The following RANBP3L variants were observed in gnomAD, a reference collection of about 807,000 sequenced individuals.
RANBP3L encodes RAN binding protein 3 like.
A neutral mutation model predicts 67.2 loss-of-function variants in RANBP3L; 56 were observed. That is an observed-to-expected ratio of 0.83 (90% CI 0.67 to 1.04). The LOEUF is 1.04. Ranked by LOEUF, RANBP3L falls within the 50% of genes least tolerant of loss-of-function variation. RANBP3L has a pLI of 0.00. For missense variants in RANBP3L, 496 were observed against 535.5 expected (o/e 0.93, Z 0.73); for synonymous variants, 164 against 181.4 (o/e 0.90, Z 0.77).
intron 1 of RANBP3L, among the ~76,000 whole-genome samples, chr5:36,278,706 C>T (rs1026224113): frequency 1.3e-5 from 2 of 152,064 alleles, no homozygotes; most frequent in African/African-American, 4.8e-5. Context: ...AAGTCAAGGG[C>T]TACCCTAAGT....
In RANBP3L at chr5:36,262,108, G is replaced by A. The variant is rs949220311; in HGVS notation, c.481-66C>T. On this transcript the variant is annotated intron_variant, in intron 6 of 13. Transcript: ENST00000296604. ...CCTTACTATAGGACCATCAGACAAGGAAACAATAGTTATAGTTAAATATAT... is the reference window on the plus strand; with the variant it reads ...CCTTACTATAGGACCATCAGACAAGAAAACAATAGTTATAGTTAAATATAT... The A allele has an allele frequency of 5.1e-6, 4 of 777,562 alleles. No homozygotes were observed. The South Asian group carries it at 6.5e-5, about 13-fold the overall frequency. 48.2% of individuals were successfully genotyped at this position (777,562 alleles called of 1,614,324 possible).
At chr5:36,251,584 G>A in intron 12 of RANBP3L, 85 bp from the exon 13 acceptor site, 1 of 1,063,574 alleles carries the variant, frequency 9.4e-7, no homozygotes, top group Non-Finnish European at 1.3e-6. Context: ...CTACTAATAA[G>A]GAAGGAATTA....
chr5:36,295,679 T>TG lies in RANBP3L; in HGVS notation c.91+5646_91+5647insC, dbSNP rs555517881. Among the ~76,000 whole-genome samples the TG allele has an allele frequency of 2.3e-3, 352 of 151,558 alleles. 1 individual carries two copies. The highest frequency in any genetic ancestry group is 3.7e-3 in the Non-Finnish European group (253 of 67,838). On this transcript the variant is annotated intron_variant, in intron 1 of 13. Coordinates refer to ENST00000296604, the MANE Select transcript of RANBP3L (RefSeq NM_145000.5). Reference sequence around the variant, plus strand: ...CCAACATTTGTTATATCCTGTTTTTTTTTTTTTTTTTTTCAAATAGTAGCC... The same window carrying TG: ...CCAACATTTGTTATATCCTGTTTTTTGTTTTTTTTTTTTTCAAATAGTAGCC...
At chr5:36,284,261 CT>C (rs1487423322) in intron 1 of RANBP3L, among the ~76,000 whole-genome samples, 3 of 152,120 alleles carry the variant, frequency 2.0e-5, no homozygotes, top group Admixed American at 1.3e-4. Flanking sequence ...TTCCTATGAC[CT>C]TTTGTTTGTT....
chr5:36,274,737 A>C (rs1010994276), intron 1 of RANBP3L, among the ~76,000 whole-genome samples: 2 of 152,066 alleles, frequency 1.3e-5, no homozygotes, highest in Non-Finnish European at 2.9e-5. Flanking sequence ...TTTTCTTTTA[A>C]AGATCACCCC....
chr5:36,301,422 T>C lies in RANBP3L; in HGVS notation c.-6A>G. On this transcript the variant is annotated 5_prime_UTR_variant, in exon 1 of 14. Coordinates refer to ENST00000296604, the MANE Select transcript of RANBP3L (RefSeq NM_145000.5). ...TTTCTTGGTATGGTAGTCATGGTCC[T>C]AGCAGTATGGCTGTGACTCAAGGAT... The C allele has an allele frequency of 1.2e-6, 2 of 1,611,742 alleles. No homozygotes were observed. Among genetic ancestry groups the C allele is most frequent in the Non-Finnish European group, 1.7e-6 (2 of 1,178,624 alleles).
chr5:36,277,398 A>ATCTCTC (rs746299512), intron 1 of RANBP3L, among the ~76,000 whole-genome samples: 4,518 of 99,880 alleles, frequency 0.045, 154 homozygotes, highest in South Asian at 0.072. Flanking sequence ...CAGCTTTTTC[A>ATCTCTC]TCTCTCTCTC....
chr5:36,270,131 C>G (rs1386925227), intron 2 of RANBP3L, 141 bp from the exon 3 acceptor site: 6 of 719,646 alleles, frequency 8.3e-6, no homozygotes, highest in Non-Finnish European at 1.5e-5. Flanking sequence ...CATCAGATTT[C>G]CACCCTGCCA....
chr5:36,269,083 CAT>C (rs1379198576), intron 4 of RANBP3L, among the ~76,000 whole-genome samples: 1 of 152,104 alleles, frequency 6.6e-6, no homozygotes, highest in Non-Finnish European at 1.5e-5. Context: ...ACTTTGGAAA[CAT>C]AGCAAAATAC....
chr5:36,291,353 TTTTTTTA>T lies in RANBP3L; in HGVS notation c.91+9966_91+9972del, dbSNP rs1387234491. Among the ~76,000 whole-genome samples the T allele has an allele frequency of 9.9e-4, 149 of 150,858 alleles. 3 individuals are homozygous for T. Among genetic ancestry groups the T allele is most frequent in the Admixed American group, 3.9e-4 (6 of 15,250 alleles). On this transcript the variant is annotated intron_variant, in intron 1 of 13. Coordinates refer to ENST00000296604, the MANE Select transcript of RANBP3L (RefSeq NM_145000.5). ...AACTTTTTTATTTTTTAATTTTTTATTTTTTTATTTTTATTTTTTTTCAGTTTTAGCT... is the reference window on the plus strand; with the variant it reads ...AACTTTTTTATTTTTTAATTTTTTATTTTTTATTTTTTTTCAGTTTTAGCT...
intron 1 of RANBP3L, among the ~76,000 whole-genome samples, chr5:36,297,793 A>G (rs998220632): frequency 1.3e-5 from 2 of 152,150 alleles, no homozygotes; most frequent in Admixed American, 1.3e-4. Context: ...TGTCATAGTA[A>G]ACTCCACGTG....
chr5:36,253,073 A>G (rs1346223858), intron 12 of RANBP3L, among the ~76,000 whole-genome samples: 1 of 151,860 alleles, frequency 6.6e-6, no homozygotes, highest in African/African-American at 2.4e-5. Context: ...TATTCTTGCC[A>G]GCTCTCTTGG....
Position 36,271,323 on chromosome 5 carries a change from A to C in RANBP3L, c.92-12T>G, listed in dbSNP as rs750779322. 7 of 1,545,048 alleles carry C rather than the reference A, an allele frequency of 4.5e-6. No homozygotes were observed. The highest frequency in any genetic ancestry group is 5.4e-6 in the Non-Finnish European group (6 of 1,120,662). ...AATGACAGATTTTTCTGTGAAAAAA[A>C]AGAAAACAGGCAAGAAATCAAAGCA... On this transcript the variant is annotated splice_polypyrimidine_tract_variant and intron_variant, in intron 1 of 13. Transcript: ENST00000296604.
chr5:36,299,078 C>G (rs192455603), intron 1 of RANBP3L, among the ~76,000 whole-genome samples: 69 of 152,148 alleles, frequency 4.5e-4, no homozygotes, highest in African/African-American at 1.7e-3. Flanking sequence ...AAATACAAAG[C>G]AGGCAAAAAA....
chr5:36,275,721 T>C (rs1170386512), intron 1 of RANBP3L, among the ~76,000 whole-genome samples: 1 of 152,124 alleles, frequency 6.6e-6, no homozygotes, highest in African/African-American at 2.4e-5. Context: ...GGTAACTGAC[T>C]TTGCAGCCTA....
intron 12 of RANBP3L, among the ~76,000 whole-genome samples, chr5:36,253,077 C>T (rs1451161534): frequency 2.6e-5 from 4 of 151,924 alleles, no homozygotes; most frequent in Non-Finnish European, 2.9e-5. Context: ...CTTGCCAGCT[C>T]TCTTGGGTCT....
rs1749019085 is a variant in RANBP3L, at chr5:36,256,921, G to A, written c.903+20C>T. On this transcript the variant is annotated intron_variant, in intron 10 of 13. Coordinates refer to ENST00000296604, the MANE Select transcript of RANBP3L (RefSeq NM_145000.5). ...AAGTATGTAAATGCTACCAGAAAGA[G>A]TAAAACATGATATACAGACCTTTAA... 3 of 1,600,188 alleles carry A rather than the reference G, an allele frequency of 1.9e-6. No homozygotes were observed. Among genetic ancestry groups the A allele is most frequent in the African/African-American group, 2.7e-5 (2 of 74,390 alleles).
chr5:36,266,308 G>A (rs7703895), intron 4 of RANBP3L, among the ~76,000 whole-genome samples: 62,105 of 152,104 alleles, frequency 0.41, 15,254 homozygotes, highest in Non-Finnish European at 0.56. Flanking sequence ...TGTTGGTGGG[G>A]TAAGACTGTG....
chr5:36,295,627 C>T (rs901053017), intron 1 of RANBP3L, among the ~76,000 whole-genome samples: 13 of 150,412 alleles, frequency 8.6e-5, no homozygotes, highest in South Asian at 2.1e-4. Flanking sequence ...CAACAGTGCA[C>T]GAGGTTCCAA....
Sources: allele counts gnomAD v4.1 joint callset (sites outside exome capture counted in the v4.1 genomes callset), GRCh38; gene constraint gnomAD v4.1.1; transcripts MANE v1.5; gene names NCBI Gene and HGNC (gene_info 2026-07-23, HGNC 2026-07-21).